The following MYO9A variants were observed in gnomAD, a reference collection of about 807,000 sequenced individuals.
MYO9A encodes myosin IXA.
A neutral mutation model predicts 293.3 loss-of-function variants in MYO9A; 103 were observed. The ratio of observed to expected loss-of-function variants is 0.35; its 90% CI spans 0.30 to 0.41. The LOEUF (loss-of-function observed/expected upper bound fraction) is 0.41, where lower values mean the gene tolerates loss of function less well. MYO9A is among the 10% of genes least tolerant of loss of function. MYO9A has a pLI of 1.00. For missense variants in MYO9A, 2,685 were observed against 3,033.0 expected, an observed-to-expected ratio of 0.89 and a Z score of 2.69; for synonymous variants, 1,001 against 1,035.7, an observed-to-expected ratio of 0.97 and a Z score of 0.64.
intron 1 of MYO9A, among the ~76,000 whole-genome samples, chr15:72,109,015 G>A (rs952707410): frequency 5.9e-5 from 9 of 152,042 alleles, no homozygotes; most frequent in South Asian, 2.1e-4. Context: ...CACCTGCCTC[G>A]GCTTTCCAAA....
At chr15:71,995,902 G>GA (rs1399522015) in intron 9 of MYO9A, among the ~76,000 whole-genome samples, 4 of 149,864 alleles carry the variant, frequency 2.7e-5, no homozygotes, top group Admixed American at 6.6e-5. Flanking sequence ...AATATTGAAG[G>GA]AAAAAAAAAG....
At chr15:71,909,395 A>G (rs911629121) in intron 19 of MYO9A, among the ~76,000 whole-genome samples, 1 of 152,186 alleles carries the variant, frequency 6.6e-6, no homozygotes, top group African/African-American at 2.4e-5. Flanking sequence ...CTGTTGCTCC[A>G]CATTCTCACC....
rs931132898 is a variant in MYO9A, at chr15:72,046,559, T to C, written c.5A>G (p.Asn2Ser). 22 of 1,592,762 alleles carry C rather than the reference T, an allele frequency of 1.4e-5. No homozygotes were observed. Among genetic ancestry groups the C allele is most frequent in the Non-Finnish European group, 1.7e-5 (20 of 1,168,994 alleles). Residue 2 changes from asparagine to serine, a missense_variant, in exon 2 of 42, where the codon AAT (asparagine) becomes AGT (serine). Asn to Ser is a conservative substitution (Grantham distance 46). Transcript: ENST00000356056. ...GCGTCGTCTTCCTCCATCATTTATA[T>C]TCATATTGGATCCTGTCCCATCAGC... The part of the protein sequence containing the change: M[N>S]INDGGRRRFE...
intron 4 of MYO9A, among the ~76,000 whole-genome samples, chr15:72,023,236 A>T (rs930223154): frequency 6.6e-6 from 1 of 152,224 alleles, no homozygotes; most frequent in Non-Finnish European, 1.5e-5. Flanking sequence ...ATCAACAAAC[A>T]TGAAGACAGG....
intron 12 of MYO9A, among the ~76,000 whole-genome samples, chr15:71,969,491 C>T (rs1207328419): frequency 6.6e-6 from 1 of 152,152 alleles, no homozygotes; most frequent in Non-Finnish European, 1.5e-5. Context: ...GTATAGATCA[C>T]CAAGGCAAAA....
At chr15:72,037,662 A>C (rs2078097835) in intron 2 of MYO9A, among the ~76,000 whole-genome samples, 1 of 152,166 alleles carries the variant, frequency 6.6e-6, no homozygotes, top group South Asian at 2.1e-4. Context: ...TATAGACTTT[A>C]CAAAATTAGT....
rs756701464 is a variant in MYO9A at position 71,852,208 on chromosome 15, TA to T, written c.6398del (p.Val2133AspfsTer14). 6.2e-7 allele frequency: 1 copy of T among 1,613,554 alleles called. No homozygotes were observed. The highest frequency in any genetic ancestry group is 8.5e-7 in the Non-Finnish European group (1 of 1,179,540). On this transcript the variant is annotated frameshift_variant, in exon 36 of 42. Coordinates refer to ENST00000356056, the MANE Select transcript of MYO9A (RefSeq NM_006901.4). LOFTEE classifies it high-confidence loss of function. ...DDYNIHVIAS[V>X]FKQWLRDLPN... The stretch of plus-strand genomic sequence containing the variant: ...GCAAATCTCGAAGCCATTGTTTGAA[TA>T]CACTTGCAATGACGTGTATGTTATA...
At chr15:72,066,870 G>A (rs1295747770) in intron 1 of MYO9A, among the ~76,000 whole-genome samples, 2 of 151,276 alleles carry the variant, frequency 1.3e-5, no homozygotes, top group Non-Finnish European at 2.9e-5. Flanking sequence ...GCAAAACTCC[G>A]TCTCAAAAAA....
chr15:71,887,691 G>C (rs566810830), intron 27 of MYO9A, among the ~76,000 whole-genome samples: 5 of 152,228 alleles, frequency 3.3e-5, no homozygotes, highest in African/African-American at 1.2e-4. Context: ...TCCTCTGCAT[G>C]ATGTGCATGC....
At chr15:71,907,760 T>C (rs1206242914) in intron 19 of MYO9A, among the ~76,000 whole-genome samples, 1 of 152,138 alleles carries the variant, frequency 6.6e-6, no homozygotes, top group Admixed American at 6.5e-5. Flanking sequence ...AAGTGTCTGT[T>C]CATGTCCTTC....
At chr15:71,883,900 T>C (rs1041021153) in intron 27 of MYO9A, among the ~76,000 whole-genome samples, 164 bp from the exon 28 acceptor site, 2 of 150,120 alleles carry the variant, frequency 1.3e-5, no homozygotes, top group African/African-American at 4.9e-5. Flanking sequence ...AAACTTCACC[T>C]GAAACTGAAA....
chr15:72,054,930 T>TA (rs530182668), intron 1 of MYO9A, among the ~76,000 whole-genome samples: 1,784 of 140,136 alleles, frequency 0.013, 17 homozygotes, highest in Non-Finnish European at 0.019. Flanking sequence ...CTGAAAGAAT[T>TA]AAAAAAAAAA....
intron 1 of MYO9A, among the ~76,000 whole-genome samples, chr15:72,051,438 T>G (rs915571343): frequency 7.9e-5 from 12 of 152,126 alleles, no homozygotes; most frequent in African/African-American, 2.9e-4. Context: ...CACTGTGCTC[T>G]TGGGGGATGG....
chr15:72,015,980 G>A (rs1166268798), intron 6 of MYO9A, among the ~76,000 whole-genome samples: 2 of 151,976 alleles, frequency 1.3e-5, no homozygotes, highest in South Asian at 4.1e-4. Flanking sequence ...GAGCCACTGC[G>A]CCCAGCCTCA....
intron 13 of MYO9A, 135 bp from the exon 14 acceptor site, chr15:71,960,231 G>A (rs1212445526): frequency 8.2e-6 from 6 of 730,538 alleles, no homozygotes; most frequent in Admixed American, 2.5e-5. Flanking sequence ...GGTGGAGATG[G>A]GGCCTGGTAG....
At position 71,956,350 on chromosome 15, in the gene MYO9A, T is replaced by TATATATATATATATAA. The variant is rs1475961500; in HGVS notation, c.2182+3550_2182+3551insTTATATATATATATAT. Among the ~76,000 whole-genome samples, 192 of 121,040 alleles carry TATATATATATATATAA rather than the reference T, an allele frequency of 1.6e-3. 3 individuals carry two copies. Among genetic ancestry groups the TATATATATATATATAA allele is most frequent in the African/African-American group, 3.4e-3 (103 of 30,110 alleles). 79.4% of individuals were successfully genotyped at this position (121,040 alleles called of 152,430 possible). A position where few individuals can be genotyped will look rare whatever the true frequency, so the allele number is the denominator to read the frequency against. On this transcript the variant is annotated intron_variant, in intron 14 of 41. Transcript: ENST00000356056. ...AAAAAAATATATATATATATATATATAAAATACGCCCAGCGTGGTGGCTCA... is the reference window on the plus strand; with the variant it reads ...AAAAAAATATATATATATATATATATATATATATATATATAAAAAATACGCCCAGCGTGGTGGCTCA...
At chr15:72,106,784 G>C (rs985157056) in intron 1 of MYO9A, among the ~76,000 whole-genome samples, 3 of 151,840 alleles carry the variant, frequency 2.0e-5, no homozygotes, top group African/African-American at 7.3e-5. Flanking sequence ...TCTAAAAACA[G>C]GAAAAGCAAA....
At chr15:71,928,534 A>G (rs2058389986) in intron 18 of MYO9A, among the ~76,000 whole-genome samples, 1 of 152,224 alleles carries the variant, frequency 6.6e-6, no homozygotes, top group South Asian at 2.1e-4. Context: ...TCTGGGCAAT[A>G]TGGAGATTTT....
intron 23 of MYO9A, 128 bp downstream of exon 23, chr15:71,901,063 G>T: frequency 1.0e-6 from 1 of 968,726 alleles, no homozygotes; most frequent in Non-Finnish European, 1.5e-6. Context: ...TCAAAATTGG[G>T]TACGACATAT....
Sources: gnomAD v4.1 joint callset for allele counts (sites outside exome capture counted in the v4.1 genomes callset) on GRCh38, gnomAD v4.1.1 for gene constraint, MANE v1.5 for transcripts, NCBI Gene and HGNC (gene_info 2026-07-23, HGNC 2026-07-21) for gene names.